LINC00305: variants seen among roughly 807,000 people sequenced by gnomAD.
LINC00305 encodes the protein long intergenic non-protein coding RNA 305.
At chr18:64,107,966 T>G (rs915849458) in intron 1 of LINC00305, among the ~76,000 whole-genome samples, 5 of 152,126 alleles carry the variant, frequency 3.3e-5, no homozygotes, top group African/African-American at 1.2e-4. Context: ...ATGGAGAGAA[T>G]GAGCACAAGC....
chr18:64,141,123 C>G (rs2144278674), intron 1 of LINC00305, among the ~76,000 whole-genome samples: 1 of 150,448 alleles, frequency 6.6e-6, no homozygotes, highest in South Asian at 2.1e-4. Context: ...TGTGGACACT[C>G]TGATTTTTGG....
intron 3 of LINC00305, chr18:64,097,721 A>C (rs912376631): frequency 5.5e-6 from 2 of 360,808 alleles, no homozygotes; most frequent in Non-Finnish European, 1.1e-5. Context: ...CTCTATTATC[A>C]GAAGTAATAT....
At chr18:64,116,226 C>T (rs905367986) in intron 1 of LINC00305, among the ~76,000 whole-genome samples, 12 of 152,134 alleles carry the variant, frequency 7.9e-5, no homozygotes, top group Admixed American at 6.5e-4. Flanking sequence ...AAGTGGGTCT[C>T]AGGATGAATC....
chr18:64,080,575 A>C (rs1457096751), intron 3 of LINC00305, among the ~76,000 whole-genome samples: 1 of 152,214 alleles, frequency 6.6e-6, no homozygotes, highest in Non-Finnish European at 1.5e-5. Context: ...ATGTTCATTT[A>C]TCTATACCAG....
intron 1 of LINC00305, among the ~76,000 whole-genome samples, chr18:64,104,852 A>G (rs1248517227): frequency 6.6e-6 from 1 of 151,620 alleles, no homozygotes; most frequent in African/African-American, 2.4e-5. Context: ...AATCTGGCCC[A>G]GGCTGCATCC....
intron 1 of LINC00305, among the ~76,000 whole-genome samples, chr18:64,119,205 A>G (rs2051351172): frequency 1.3e-5 from 2 of 152,096 alleles, no homozygotes. Flanking sequence ...CAGAATTCTT[A>G]GGGGAGATGG....
intron 1 of LINC00305, among the ~76,000 whole-genome samples, chr18:64,126,859 A>C (rs2051387736): frequency 6.6e-6 from 1 of 152,166 alleles, no homozygotes; most frequent in African/African-American, 2.4e-5. Context: ...AAATTGCCAA[A>C]AATTATAATA....
chr18:64,121,728 G>T (rs548036521), intron 1 of LINC00305, among the ~76,000 whole-genome samples: 1 of 152,206 alleles, frequency 6.6e-6, no homozygotes, highest in South Asian at 2.1e-4. Context: ...TTGCTGGATA[G>T]AATAGTAGTT....
intron 1 of LINC00305, among the ~76,000 whole-genome samples, chr18:64,130,219 T>C (rs898033376): frequency 5.3e-5 from 8 of 152,164 alleles, no homozygotes; most frequent in Admixed American, 5.2e-4. Context: ...ATTTCATAAA[T>C]TTGGAGATAC....
At chr18:64,144,353 G>T (rs183701152) in intron 1 of LINC00305, among the ~76,000 whole-genome samples, 18 of 152,280 alleles carry the variant, frequency 1.2e-4, no homozygotes, top group Non-Finnish European at 2.5e-4. Flanking sequence ...TATGACAAAG[G>T]AGAGTAGGGG....
chr18:64,123,831 A>G (rs111828378), intron 1 of LINC00305, among the ~76,000 whole-genome samples: 2,266 of 152,154 alleles, frequency 0.015, 48 homozygotes, highest in African/African-American at 0.052. Context: ...CCCTCTGTCA[A>G]GAATGAGGGA....
intron 1 of LINC00305, among the ~76,000 whole-genome samples, chr18:64,129,987 T>C (rs1164919482): frequency 6.6e-6 from 1 of 152,010 alleles, no homozygotes; most frequent in Non-Finnish European, 1.5e-5. Context: ...TTCTTTTTTT[T>C]TTTTTAATTA....
intron 1 of LINC00305, among the ~76,000 whole-genome samples, chr18:64,136,817 A>T (rs1446675804): frequency 2.0e-5 from 3 of 152,150 alleles, no homozygotes; most frequent in Non-Finnish European, 2.9e-5. Flanking sequence ...TAGGAAGGGA[A>T]GTAACGCAGC....
chr18:64,082,877 C>T (rs750129323), intron 3 of LINC00305, among the ~76,000 whole-genome samples: 1 of 151,910 alleles, frequency 6.6e-6, no homozygotes, highest in Non-Finnish European at 1.5e-5. Context: ...TCATTTTAAT[C>T]TTTCTTCTTT....
At chr18:64,143,624 G>GTATATGTACA (rs1321556360) in intron 1 of LINC00305, among the ~76,000 whole-genome samples, 4 of 112,608 alleles carry the variant, frequency 3.6e-5, no homozygotes, top group African/African-American at 1.5e-4. Flanking sequence ...GTACACATAT[G>GTATATGTACA]TATGTACACG....
chr18:64,143,656 T>C (rs988721874), intron 1 of LINC00305, among the ~76,000 whole-genome samples: 8 of 149,404 alleles, frequency 5.4e-5, no homozygotes, highest in African/African-American at 2.0e-4. Flanking sequence ...CATATGTATG[T>C]ACACGTATTA....
chr18:64,116,073 T>C lies in LINC00305; in HGVS notation n.315-17433A>G, dbSNP rs148683348. On this transcript the variant is annotated intron_variant and non_coding_transcript_variant, in intron 1 of 3. Coordinates refer to ENST00000666468, the Ensembl canonical transcript of LINC00305. Reference sequence around the variant, plus strand: ...TCTTAAAAGCTCTCCAGCCATTTTTTACCAGTGGAGTTAAGACTGAGTTCT... The same window carrying C: ...TCTTAAAAGCTCTCCAGCCATTTTTCACCAGTGGAGTTAAGACTGAGTTCT... Among the ~76,000 whole-genome samples, 513 of 152,360 alleles carry C rather than the reference T, an allele frequency of 3.4e-3. 3 individuals carry two copies. Among genetic ancestry groups the C allele is most frequent in the African/African-American group, 0.012 (485 of 41,586 alleles).
At chr18:64,109,867 C>G (rs529221900) in intron 1 of LINC00305, among the ~76,000 whole-genome samples, 1 of 152,228 alleles carries the variant, frequency 6.6e-6, no homozygotes, top group African/African-American at 2.4e-5. Context: ...CTCTCCACTC[C>G]GAGCTTGTCC....
chr18:64,096,876 CAA>C (rs2094219296), intron 3 of LINC00305, among the ~76,000 whole-genome samples: 1 of 151,580 alleles, frequency 6.6e-6, no homozygotes, highest in African/African-American at 2.4e-5. Context: ...TTAATGAACA[CAA>C]AGTTAGTTTA....
Sources: allele counts gnomAD v4.1 joint callset (sites outside exome capture counted in the v4.1 genomes callset), GRCh38; gene constraint gnomAD v4.1.1; transcripts MANE v1.5; gene names NCBI Gene and HGNC (gene_info 2026-07-23, HGNC 2026-07-21).